Variants in NR6A1 observed in about 807,000 individuals in gnomAD.
NR6A1 encodes nuclear receptor subfamily 6 group A member 1.
Under a neutral mutation model 59.1 loss-of-function variants are expected in NR6A1, and 7 were observed. That is an observed-to-expected ratio of 0.12 (90% CI 0.07 to 0.22). NR6A1 has a LOEUF of 0.22. Among genes scored for constraint, NR6A1 ranks in the 10% least tolerant of loss-of-function variants. The pLI is 1.00. For synonymous variants in NR6A1, 243 were observed against 236.1 expected (o/e 1.03, Z -0.27); for missense variants, 468 against 611.6 (o/e 0.77, Z 2.48).
chr9:124,547,038 T>C (rs1833621329), intron 3 of NR6A1, among the ~76,000 whole-genome samples: 1 of 152,252 alleles, frequency 6.6e-6, no homozygotes, highest in Non-Finnish European at 1.5e-5. Flanking sequence ...TCAGCAGGGC[T>C]AAAATCTATT....
At chr9:124,738,070 A>T (rs1840064661) in intron 1 of NR6A1, among the ~76,000 whole-genome samples, 1 of 152,142 alleles carries the variant, frequency 6.6e-6, no homozygotes, top group Non-Finnish European at 1.5e-5. Flanking sequence ...CCTGGCCAAC[A>T]TAGTAAAACC....
At chr9:124,688,282 A>C (rs1475196894) in intron 2 of NR6A1, among the ~76,000 whole-genome samples, 1 of 152,020 alleles carries the variant, frequency 6.6e-6, no homozygotes, top group Non-Finnish European at 1.5e-5. Flanking sequence ...CTGTGACTGC[A>C]CCACTGCACC....
intron 1 of NR6A1, among the ~76,000 whole-genome samples, chr9:124,760,908 T>C (rs1840770021): frequency 6.6e-6 from 1 of 152,158 alleles, no homozygotes; most frequent in Non-Finnish European, 1.5e-5. Flanking sequence ...GGACTACTAT[T>C]GCCATTTCCA....
chr9:124,736,983 G>A (rs1326864544), intron 1 of NR6A1, among the ~76,000 whole-genome samples: 1 of 152,230 alleles, frequency 6.6e-6, no homozygotes, highest in Non-Finnish European at 1.5e-5. Context: ...TGGAAGCAAA[G>A]TGTAGATTAT....
intron 7 of NR6A1, among the ~76,000 whole-genome samples, chr9:124,533,451 A>C (rs1833155900): frequency 1.3e-5 from 2 of 152,054 alleles, no homozygotes; most frequent in African/African-American, 2.4e-5. Context: ...ATATTAGAAA[A>C]CAAGTAGAGA....
intron 8 of NR6A1, among the ~76,000 whole-genome samples, chr9:124,526,516 C>T (rs1832942906): frequency 6.6e-6 from 1 of 152,100 alleles, no homozygotes. Context: ...AAAGCGAATC[C>T]TCTTCCTTCC....
At chr9:124,525,213 A>G (rs73577937) in intron 8 of NR6A1, among the ~76,000 whole-genome samples, 2,743 of 151,318 alleles carry the variant, frequency 0.018, 78 homozygotes, top group African/African-American at 0.062. Context: ...ATCCTTCACA[A>G]TATCTTTAAA....
At position 124,687,299 on chromosome 9, in the gene NR6A1, T is replaced by A. The variant is rs541032232; in HGVS notation, c.142+46009A>T. Among the ~76,000 whole-genome samples, 714 of 128,404 alleles carry A rather than the reference T, an allele frequency of 5.6e-3. 6 individuals are homozygous for A. The highest frequency in any genetic ancestry group is 0.027 in the African/African-American group (660 of 24,670). 84.2% of individuals were successfully genotyped at this position (128,404 alleles called of 152,430 possible). A position where few individuals can be genotyped will look rare whatever the true frequency, so the allele number is the denominator to read the frequency against. The stretch of plus-strand genomic sequence containing the variant: ...CCACAGCCAGCTAATTAATTATTTA[T>A]TTATTTATTTATTTATTTATTGGTA... On this transcript the variant is annotated intron_variant, in intron 2 of 9. Coordinates refer to ENST00000487099, the MANE Select transcript of NR6A1 (RefSeq NM_033334.4).
intron 1 of NR6A1, among the ~76,000 whole-genome samples, chr9:124,749,130 C>T (rs1398275112): frequency 2.0e-5 from 3 of 151,796 alleles, no homozygotes; most frequent in South Asian, 4.2e-4. Context: ...AGTGTAGTGG[C>T]GCATGTCTGT....
At chr9:124,684,715 G>A (rs1044616091) in intron 2 of NR6A1, among the ~76,000 whole-genome samples, 1 of 152,170 alleles carries the variant, frequency 6.6e-6, no homozygotes, top group African/African-American at 2.4e-5. Flanking sequence ...AAGTGTAGCA[G>A]CAGCTGATAA....
chr9:124,577,296 G>C (rs1834630949), intron 2 of NR6A1, among the ~76,000 whole-genome samples: 1 of 152,120 alleles, frequency 6.6e-6, no homozygotes, highest in African/African-American at 2.4e-5. Flanking sequence ...AAAATTCTTT[G>C]AGTCTCTTCC....
chr9:124,599,091 C>A, intron 2 of NR6A1: 2 of 710,994 alleles, frequency 2.8e-6, no homozygotes, highest in Non-Finnish European at 5.3e-6. Context: ...GTGCCTCGCT[C>A]GTTCCATTCT....
In NR6A1 at chr9:124,627,292, C is replaced by T. The variant is rs532601944; in HGVS notation, c.143-72722G>A. 6.0e-4 allele frequency among the ~76,000 whole-genome samples: 91 copies of T among 152,188 alleles called. 1 individual carries two copies. The South Asian group carries it at 0.018, about 31-fold the overall frequency. On this transcript the variant is annotated intron_variant, in intron 2 of 9. Coordinates refer to ENST00000487099, the MANE Select transcript of NR6A1 (RefSeq NM_033334.4). ...TGCCTTGCCTCTAACTACAGGATAG[C>T]CATATTAAATAATCTAGCCCCGCCT...
At chr9:124,707,090 T>C (rs918525165) in intron 2 of NR6A1, among the ~76,000 whole-genome samples, 1 of 152,140 alleles carries the variant, frequency 6.6e-6, no homozygotes, top group African/African-American at 2.4e-5. Context: ...TTTCTTCTAA[T>C]ATTTTCCTGC....
At chr9:124,694,468 T>C (rs1448514325) in intron 2 of NR6A1, among the ~76,000 whole-genome samples, 2 of 152,206 alleles carry the variant, frequency 1.3e-5, no homozygotes, top group African/African-American at 4.8e-5. Context: ...CAGATGTACA[T>C]CAATATTCTC....
At chr9:124,684,551 A>G (rs2131002644) in intron 2 of NR6A1, among the ~76,000 whole-genome samples, 1 of 152,322 alleles carries the variant, frequency 6.6e-6, no homozygotes, top group South Asian at 2.1e-4. Context: ...CCAGGAGCCC[A>G]AGCTGAAGTG....
intron 2 of NR6A1, among the ~76,000 whole-genome samples, chr9:124,706,919 T>A (rs892041410): frequency 6.6e-6 from 1 of 152,204 alleles, no homozygotes; most frequent in African/African-American, 2.4e-5. Context: ...TTTTTCCTTA[T>A]CTATAATGGA....
intron 6 of NR6A1, among the ~76,000 whole-genome samples, chr9:124,537,345 C>T (rs1293232753): frequency 6.6e-6 from 1 of 152,202 alleles, no homozygotes; most frequent in East Asian, 1.9e-4. Context: ...CCTAGGCCTT[C>T]CAAAGTGCTG....
intron 2 of NR6A1, among the ~76,000 whole-genome samples, chr9:124,590,252 T>G (rs1344650896): frequency 6.6e-6 from 1 of 151,868 alleles, no homozygotes; most frequent in Non-Finnish European, 1.5e-5. Flanking sequence ...GGCCTCTAAT[T>G]TTACCATGTT....
Sources: allele counts gnomAD v4.1 joint callset (sites outside exome capture counted in the v4.1 genomes callset), GRCh38; gene constraint gnomAD v4.1.1; transcripts MANE v1.5; gene names NCBI Gene and HGNC (gene_info 2026-07-23, HGNC 2026-07-21).